METTL25B: variants seen among roughly 807,000 people sequenced by gnomAD.
The protein encoded by METTL25B is methyltransferase-like protein 25B.
In METTL25B, 38 loss-of-function variants were observed where a neutral mutation model predicts 48.4. That is an observed-to-expected ratio of 0.78 (90% CI 0.61 to 1.03). The LOEUF is 1.03. METTL25B is among the 50% of genes least tolerant of loss of function. METTL25B has a pLI of 0.00. For missense variants in METTL25B, 537 were observed against 603.7 expected (o/e 0.89, Z 1.16); for synonymous variants, 230 against 254.5 (o/e 0.90, Z 0.92).
intron 4 of METTL25B, 96 bp from the exon 5 acceptor site, chr1:156,733,281 T>TG: frequency 6.8e-7 from 1 of 1,466,520 alleles, no homozygotes; most frequent in Non-Finnish European, 9.3e-7. Flanking sequence ...AAGCCTTCTG[T>TG]GGGGCCTGGG....
rs575051891 is a variant in METTL25B, at chr1:156,731,266, G to A, written c.112-725G>A. 6.3e-4 allele frequency among the ~76,000 whole-genome samples: 96 copies of A among 152,344 alleles called. 1 individual carries two copies. The highest frequency in any genetic ancestry group is 2.2e-3 in the African/African-American group (92 of 41,576). ...AGCCTACTGGGTAGCTGGGATTACA[G>A]GCGTGTGCCAACATGCCTGGCAAAT... On this transcript the variant is annotated intron_variant, in intron 1 of 7. Coordinates refer to ENST00000368216, the MANE Select transcript of METTL25B (RefSeq NM_015997.4).
Position 156,729,166 on chromosome 1 carries a change from T to C in METTL25B, c.62T>C (p.Leu21Pro). The change falls in exon 1 of 8, where the codon CTC (leucine) becomes CCC (proline). Residue 21 changes from leucine (L) to proline (P), a missense_variant. Coordinates refer to ENST00000368216, the MANE Select transcript of METTL25B (RefSeq NM_015997.4). ...GGGAGGAAGCAGCTAGCTGTTAACC[T>C]CACCCGTGTCCTGGCACTCTACCGT... is the stretch of plus-strand genomic sequence containing the variant. ...HEGRKQLAVN[L>P]TRVLALYRSI... is the part of the protein sequence containing the mutation. The C allele has an allele frequency of 6.2e-7, 1 of 1,610,636 alleles. No homozygotes were observed. The highest frequency in any genetic ancestry group is 1.1e-5 in the South Asian group (1 of 90,780).
rs368015555 is a variant in METTL25B, at chr1:156,733,437, G to C, written c.553G>C (p.Asp185His). Residue 185 changes from aspartate (D) to histidine (H), a missense_variant, in exon 5 of 8, where the codon GAT (aspartate) becomes CAT (histidine). Transcript: ENST00000368216. Reference protein sequence around the residue: ...LGLMVKSIEGDQRLVERAQRL... With the variant: ...LGLMVKSIEGHQRLVERAQRL... ...GTTGATGGTGAAGAGCATCGAAGGGGATCAGAGACTGGTGGAGAGAGCCCA... is the reference window on the plus strand; with the variant it reads ...GTTGATGGTGAAGAGCATCGAAGGGCATCAGAGACTGGTGGAGAGAGCCCA... 1 of 1,613,986 alleles carries C rather than the reference G, an allele frequency of 6.2e-7. No homozygotes were observed. The highest frequency in any genetic ancestry group is 1.3e-5 in the African/African-American group (1 of 74,912).
At chr1:156,731,634 C>T (rs1463519396) in intron 1 of METTL25B, among the ~76,000 whole-genome samples, 1 of 152,244 alleles carries the variant, frequency 6.6e-6, no homozygotes, top group Non-Finnish European at 1.5e-5. Context: ...GTGTGTCAGT[C>T]ACTCTGGTAA....
At chr1:156,729,310 T>G (rs1286479135) in intron 1 of METTL25B, 95 bp downstream of exon 1, 5 of 717,570 alleles carry the variant, frequency 7.0e-6, no homozygotes, top group Non-Finnish European at 1.2e-5. Context: ...GCCTCTGATC[T>G]CTTTCCTTCT....
At chr1:156,729,346 A>G (rs1355435221) in intron 1 of METTL25B, 131 bp downstream of exon 1, 1 of 621,142 alleles carries the variant, frequency 1.6e-6, no homozygotes, top group Admixed American at 3.2e-5. Context: ...TTTCTGTACA[A>G]GAAGGGGTTA....
intron 6 of METTL25B, among the ~76,000 whole-genome samples, chr1:156,735,407 C>A (rs1295773602): frequency 6.9e-6 from 1 of 145,554 alleles, no homozygotes; most frequent in Non-Finnish European, 1.5e-5. Flanking sequence ...GAGAAACATT[C>A]AAAAATACAT....
chr1:156,734,130 T>C lies in METTL25B; in HGVS notation c.758T>C (p.Leu253Pro). 3.1e-6 allele frequency: 5 copies of C among 1,614,250 alleles called. No homozygotes were observed. The highest frequency in any genetic ancestry group is 4.2e-6 in the Non-Finnish European group (5 of 1,180,050). ...CCGTGTCAGGGCAGGGCCCGCTTGC[T>C]GCTCACAGGCCTCCACGCCTGTGGG... The part of the protein sequence containing the change: ...ENPCQGRARL[L>P]LTGLHACGDL... The change falls in exon 6 of 8, where the codon CTG (leucine) becomes CCG (proline). Residue 253 changes from leucine (L) to proline (P), a missense_variant. Leu to Pro is a moderately conservative substitution (Grantham distance 98). Transcript: ENST00000368216.
Position 156,728,916 on chromosome 1 carries a change from C to CT in METTL25B, c.-188dup. 1.7e-6 allele frequency: 1 copy of CT among 576,554 alleles called. No homozygotes were observed. Among genetic ancestry groups the CT allele is most frequent in the South Asian group, 2.7e-5 (1 of 37,566 alleles). 35.7% of individuals were successfully genotyped at this position (576,554 alleles called of 1,614,324 possible). A position where few individuals can be genotyped will look rare whatever the true frequency, so the allele number is the denominator to read the frequency against. On this transcript the variant is annotated 5_prime_UTR_variant, in exon 1 of 8. Transcript: ENST00000368216. ...TGTGAAACGTCGCGACCTGTGACGT[C>CT]TGGGGGGCGCCTCAAATCTTCCACT...
chr1:156,732,903 G>T, intron 3 of METTL25B, 82 bp from the exon 4 acceptor site: 1 of 1,189,004 alleles, frequency 8.4e-7, no homozygotes, highest in South Asian at 1.3e-5. Flanking sequence ...TGTCATCTTT[G>T]TCTCTTCCAC....
intron 6 of METTL25B, among the ~76,000 whole-genome samples, chr1:156,735,181 C>T (rs1278197659): frequency 6.6e-6 from 1 of 151,600 alleles, no homozygotes; most frequent in East Asian, 2.0e-4. Flanking sequence ...CCCAGCTACT[C>T]CGGAGGCTGA....
In METTL25B at chr1:156,735,825, G is replaced by A. The variant is rs756071237; in HGVS notation, c.1222G>A (p.Ala408Thr). ...AHVAQENRVVAFFSLALLLAP... is the reference protein window; with the variant it reads ...AHVAQENRVVTFFSLALLLAP... ...CGTGGCCCAGGAGAACCGTGTGGTG[G>A]CCTTCTTCAGCCTGGCTCTACTGCT... The change falls in exon 7 of 8, where the codon GCC becomes ACC. Residue 408 changes from alanine to threonine, a missense_variant. By Grantham distance (58) the Ala-to-Thr change is moderately conservative. Coordinates refer to ENST00000368216, the MANE Select transcript of METTL25B (RefSeq NM_015997.4). The A allele has an allele frequency of 2.5e-6, 4 of 1,612,814 alleles. No homozygotes were observed. In the East Asian group the frequency reaches 9.0e-5, roughly 36 times the overall value.
rs774061757 is a variant in METTL25B at position 156,732,119 on chromosome 1, T to C, written c.236+4T>C. On this transcript the variant is annotated splice_donor_region_variant and intron_variant, in intron 2 of 7. Transcript: ENST00000368216. ...CTGGGGAAGGGGAGGTCGTCAGGTA[T>C]GGGCTAGAAGGTCCCTGTGCTGGGG... is the stretch of plus-strand genomic sequence containing the variant. 4 of 1,614,208 alleles carry C rather than the reference T, an allele frequency of 2.5e-6. No individual in the cohort carries two copies. In the Admixed American group the frequency reaches 5.0e-5, roughly 20 times the overall value.
Position 156,728,573 on chromosome 1 carries a change from T to G in METTL25B, c.-532T>G. 1 of 984,006 alleles carries G rather than the reference T, an allele frequency of 1.0e-6. No individual in the cohort carries two copies. The highest frequency in any genetic ancestry group is 1.2e-6 in the Non-Finnish European group (1 of 829,574). The allele number at this position is 984,006 out of a possible 1,614,324, so 61.0% of individuals were successfully genotyped here. On this transcript the variant is annotated 5_prime_UTR_variant, in exon 1 of 8. Coordinates refer to ENST00000368216, the MANE Select transcript of METTL25B (RefSeq NM_015997.4). ...CCCCGACCCCAGGTAGTGAGGCCAG[T>G]GATTCCGAGTGTGTGAGGAGCGGCA...
Position 156,734,260 on chromosome 1 carries a change from C to T in METTL25B, c.888C>T (p.Tyr296=), listed in dbSNP as rs774124324. 2.5e-6 allele frequency: 4 copies of T among 1,614,188 alleles called. 1 individual carries two copies. Among genetic ancestry groups the T allele is most frequent in the Middle Eastern group, 3.3e-4 (2 of 6,062 alleles). The change falls in exon 6 of 8, where the codon TAC becomes TAT. Residue 296 remains tyrosine (Y), a synonymous_variant. Coordinates refer to ENST00000368216, the MANE Select transcript of METTL25B (RefSeq NM_015997.4). ...CYMKLSDPGG[Y]PLSQWVAGLP... Reference sequence around the variant, plus strand: ...TGAAGCTGAGTGACCCTGGCGGCTACCCACTGAGTCAGTGGGTGGCTGGGC... The same window carrying T: ...TGAAGCTGAGTGACCCTGGCGGCTATCCACTGAGTCAGTGGGTGGCTGGGC...
In METTL25B at chr1:156,729,131, C is replaced by T. The variant is rs1411583637; in HGVS notation, c.27C>T (p.Leu9=). The T allele has an allele frequency of 1.2e-6, 2 of 1,609,822 alleles. No homozygotes were observed. The highest frequency in any genetic ancestry group is 1.7e-6 in the Non-Finnish European group (2 of 1,178,726). The part of the protein sequence containing the change: MPGISARG[L]SHEGRKQLAV... Reference sequence around the variant, plus strand: ...TGCCGGGCATCTCCGCCCGAGGCCTCTCTCATGAGGGGAGGAAGCAGCTAG... The same window carrying T: ...TGCCGGGCATCTCCGCCCGAGGCCTTTCTCATGAGGGGAGGAAGCAGCTAG... Residue 9 remains leucine (L), a synonymous_variant, in exon 1 of 8, where the codon CTC becomes CTT. Transcript: ENST00000368216.
Position 156,731,857 on chromosome 1 carries a change from G to A in METTL25B, c.112-134G>A. The A allele has an allele frequency of 2.6e-6, 3 of 1,153,196 alleles. No homozygotes were observed. The South Asian group carries it at 4.2e-5, about 16-fold the overall frequency. 71.4% of individuals were successfully genotyped at this position (1,153,196 alleles called of 1,614,324 possible). On this transcript the variant is annotated intron_variant, in intron 1 of 7. Coordinates refer to ENST00000368216, the MANE Select transcript of METTL25B (RefSeq NM_015997.4). The stretch of plus-strand genomic sequence containing the variant: ...TGACTCGGCTTAGCAGGAGGTACCT[G>A]CCAGTTACAGGCAGTGGCCCTATGT...
intron 1 of METTL25B, among the ~76,000 whole-genome samples, chr1:156,730,118 C>A (rs569024702): frequency 4.9e-4 from 75 of 152,336 alleles, no homozygotes; most frequent in African/African-American, 1.7e-3. Flanking sequence ...ATTACCAATT[C>A]TTCACTGAGC....
intron 1 of METTL25B, among the ~76,000 whole-genome samples, chr1:156,730,571 T>A (rs1364740153): frequency 6.8e-4 from 100 of 147,086 alleles, no homozygotes; most frequent in South Asian, 1.5e-3. Flanking sequence ...TAAAATAAAA[T>A]AAAATAAAAA....
Sources: allele counts gnomAD v4.1 joint callset (sites outside exome capture counted in the v4.1 genomes callset), GRCh38; gene constraint gnomAD v4.1.1; transcripts MANE v1.5; gene names NCBI Gene and HGNC (gene_info 2026-07-23, HGNC 2026-07-21).